SCAPER: variants seen among roughly 807,000 people sequenced by gnomAD.
The protein encoded by SCAPER is S phase cyclin A-associated protein in the endoplasmic reticulum.
A neutral mutation model predicts 182.2 loss-of-function variants in SCAPER; 98 were observed. The observed-to-expected ratio is 0.54, with a 90% CI of 0.46 to 0.64. SCAPER has a LOEUF of 0.64. SCAPER is among the 30% of genes least tolerant of loss of function. The probability of loss-of-function intolerance (pLI) is 0.00; values close to 1 mark genes in which losing one functional copy is unlikely to be tolerated. For missense variants in SCAPER, 1,432 were observed against 1,690.0 expected, an observed-to-expected ratio of 0.85 and a Z score of 2.68; for synonymous variants, 605 against 564.6, an observed-to-expected ratio of 1.07 and a Z score of -1.01.
At chr15:76,720,153 C>T (rs2060129782) in intron 17 of SCAPER, among the ~76,000 whole-genome samples, 1 of 147,812 alleles carries the variant, frequency 6.8e-6, no homozygotes, top group South Asian at 2.2e-4. Context: ...TTATTCAATT[C>T]CCACCTATGA....
intron 25 of SCAPER, among the ~76,000 whole-genome samples, chr15:76,459,225 G>C (rs993201947): frequency 1.3e-5 from 2 of 152,166 alleles, no homozygotes; most frequent in East Asian, 3.9e-4. Context: ...ACATGGGTCA[G>C]AACATGTGGT....
chr15:76,589,633 G>A (rs2145646445), intron 22 of SCAPER, among the ~76,000 whole-genome samples: 1 of 152,224 alleles, frequency 6.6e-6, no homozygotes, highest in East Asian at 1.9e-4. Flanking sequence ...AAGCAAGGAG[G>A]GCTTTCACAC....
intron 23 of SCAPER, among the ~76,000 whole-genome samples, chr15:76,557,745 T>C (rs2046295964): frequency 1.3e-5 from 2 of 152,128 alleles, no homozygotes; most frequent in Non-Finnish European, 2.9e-5. Context: ...TTTATAACAA[T>C]GTGAGAACAG....
chr15:76,476,259 AGAGATAGTT>A (rs2050619311), intron 24 of SCAPER, among the ~76,000 whole-genome samples: 1 of 152,168 alleles, frequency 6.6e-6, no homozygotes, highest in African/African-American at 2.4e-5. Context: ...CTTGGGTGTA[AGAGATAGTT>A]GTTTGTGTGG....
At chr15:76,728,216 C>CA (rs746287649) in intron 17 of SCAPER, among the ~76,000 whole-genome samples, 1,695 of 115,068 alleles carry the variant, frequency 0.015, 14 homozygotes, top group East Asian at 0.067. Flanking sequence ...CTATTTCCAT[C>CA]AAAAAAAAAA....
At chr15:76,368,528 G>A (rs987055033) in intron 29 of SCAPER, among the ~76,000 whole-genome samples, 2 of 152,224 alleles carry the variant, frequency 1.3e-5, no homozygotes, top group African/African-American at 4.8e-5. Flanking sequence ...CAAGTTTCAC[G>A]AGCTTCGCTG....
At chr15:76,389,346 C>T (rs2043499779) in intron 27 of SCAPER, among the ~76,000 whole-genome samples, 1 of 150,164 alleles carries the variant, frequency 6.7e-6, no homozygotes, top group Admixed American at 6.6e-5. Flanking sequence ...ACTAAAAATA[C>T]GAAAATTAGC....
At chr15:76,905,044 G>C (rs979468989) in intron 1 of SCAPER, 3 of 152,432 alleles carry the variant, frequency 2.0e-5, no homozygotes, top group African/African-American at 7.2e-5. Context: ...GGCAGGGCCC[G>C]GACGCGGCTC....
intron 8 of SCAPER, 96 bp downstream of exon 8, chr15:76,795,184 G>T: frequency 8.9e-7 from 1 of 1,127,640 alleles, no homozygotes; most frequent in Non-Finnish European, 1.2e-6. Flanking sequence ...TACGTATGTT[G>T]TACAAAAAGA....
At chr15:76,548,362 G>A (rs2045471456) in intron 23 of SCAPER, among the ~76,000 whole-genome samples, 1 of 152,126 alleles carries the variant, frequency 6.6e-6, no homozygotes, top group Non-Finnish European at 1.5e-5. Context: ...ATCACAAATA[G>A]GAATGCCACA....
intron 25 of SCAPER, among the ~76,000 whole-genome samples, chr15:76,466,419 CTTTT>C: frequency 1.9e-3 from 72 of 37,416 alleles, no homozygotes; most frequent in Non-Finnish European, 3.4e-3. Flanking sequence ...GTTGGTTCTT[CTTTT>C]TTTTTTTTTT....
intron 14 of SCAPER, among the ~76,000 whole-genome samples, chr15:76,758,756 T>C (rs1429573829): frequency 6.6e-6 from 1 of 152,216 alleles, no homozygotes; most frequent in Non-Finnish European, 1.5e-5. Context: ...CTTTAAATTT[T>C]CTTTCATAAA....
At chr15:76,683,127 G>A (rs1253415387) in intron 20 of SCAPER, among the ~76,000 whole-genome samples, 1 of 152,022 alleles carries the variant, frequency 6.6e-6, no homozygotes, top group Admixed American at 6.6e-5. Flanking sequence ...TCAGGAGGCA[G>A]TCAAAACCCA....
At chr15:76,840,259 A>G (rs541039400) in intron 5 of SCAPER, among the ~76,000 whole-genome samples, 1 of 151,852 alleles carries the variant, frequency 6.6e-6, no homozygotes, top group Non-Finnish European at 1.5e-5. Flanking sequence ...CGCTACAAAA[A>G]TTTTTTTAAA....
intron 17 of SCAPER, among the ~76,000 whole-genome samples, chr15:76,708,720 C>A (rs2059401924): frequency 6.6e-6 from 1 of 152,072 alleles, no homozygotes. Flanking sequence ...ATACATAAAC[C>A]TTTAGCTAGA....
At chr15:76,662,291 T>C (rs2056250148) in intron 21 of SCAPER, among the ~76,000 whole-genome samples, 4 of 152,186 alleles carry the variant, frequency 2.6e-5, no homozygotes, top group Admixed American at 2.6e-4. Flanking sequence ...TGTTTACCTA[T>C]GTAACAAACC....
At chr15:76,704,272 T>G (rs2059124703) in intron 18 of SCAPER, among the ~76,000 whole-genome samples, 1 of 152,218 alleles carries the variant, frequency 6.6e-6, no homozygotes, top group South Asian at 2.1e-4. Flanking sequence ...TTTTGTAGGT[T>G]GCCTGTTCAC....
intron 8 of SCAPER, among the ~76,000 whole-genome samples, chr15:76,786,573 G>A (rs962700150): frequency 6.6e-6 from 1 of 152,066 alleles, no homozygotes; most frequent in African/African-American, 2.4e-5. Context: ...TCCCAGATCT[G>A]GAACAAGGGA....
chr15:76,720,521 T>G (rs947192129), intron 17 of SCAPER, among the ~76,000 whole-genome samples: 1 of 152,226 alleles, frequency 6.6e-6, no homozygotes, highest in Non-Finnish European at 1.5e-5. Context: ...TCCACAATGG[T>G]TGAACTAGTT....
Sources: allele counts gnomAD v4.1 joint callset (sites outside exome capture counted in the v4.1 genomes callset), GRCh38; gene constraint gnomAD v4.1.1; transcripts MANE v1.5; gene names NCBI Gene and HGNC (gene_info 2026-07-23, HGNC 2026-07-21).